The following RAB10 variants were observed in gnomAD, a reference collection of about 807,000 sequenced individuals.
RAB10 encodes the protein RAB10, member RAS oncogene family.
A neutral mutation model predicts 25.7 loss-of-function variants in RAB10; 5 were observed. That is an observed-to-expected ratio of 0.19 (90% confidence interval 0.10 to 0.41). The LOEUF (loss-of-function observed/expected upper bound fraction) is 0.41, where lower values mean the gene tolerates loss of function less well. Ranked by LOEUF, RAB10 falls within the 10% of genes least tolerant of loss-of-function variation. The pLI, the probability that RAB10 is intolerant of heterozygous loss-of-function variation, is 1.00. For missense variants in RAB10, 103 were observed against 245.8 expected (o/e 0.42, Z 3.89); for synonymous variants, 89 against 86.4 (o/e 1.03, Z -0.16).
intron 1 of RAB10, among the ~76,000 whole-genome samples, chr2:26,068,822 T>C (rs1159816212): frequency 2.6e-5 from 4 of 152,202 alleles, no homozygotes; most frequent in Non-Finnish European, 5.9e-5. Flanking sequence ...GCTAAGCAAA[T>C]TTAGTGATGA....
In RAB10 at chr2:26,079,324, A is replaced by ACACACACAC. The variant is rs1553726198; in HGVS notation, c.128-19338_128-19337insCACACACAC. On this transcript the variant is annotated intron_variant, in intron 1 of 5. Coordinates refer to ENST00000264710, the MANE Select transcript of RAB10 (RefSeq NM_016131.5). ...AGCAAGTTTGAAACACACACACACA[A>ACACACACAC]ACACACACACACACACACACACACA... Among the ~76,000 whole-genome samples the ACACACACAC allele has an allele frequency of 4.8e-3, 441 of 92,636 alleles. 3 individuals carry two copies. The highest frequency in any genetic ancestry group is 9.9e-3 in the African/African-American group (248 of 25,036). The allele number at this position is 92,636 out of a possible 152,430, so 60.8% of individuals were successfully genotyped here.
At chr2:26,101,028 A>G (rs925829491) in intron 2 of RAB10, among the ~76,000 whole-genome samples, 16 of 152,170 alleles carry the variant, frequency 1.1e-4, no homozygotes, top group Non-Finnish European at 2.1e-4. Flanking sequence ...AGATAGAATG[A>G]TCAGGGAGGT....
chr2:26,054,247 T>A (rs910457242), intron 1 of RAB10, among the ~76,000 whole-genome samples: 15 of 151,724 alleles, frequency 9.9e-5, no homozygotes, highest in African/African-American at 3.6e-4. Flanking sequence ...AGAGACAGGG[T>A]TTCACCATGT....
At chr2:26,048,525 A>G (rs1000568732) in intron 1 of RAB10, among the ~76,000 whole-genome samples, 4 of 152,260 alleles carry the variant, frequency 2.6e-5, no homozygotes, top group East Asian at 1.9e-4. Flanking sequence ...ATGTCTGTTC[A>G]TGTGGTTGCC....
intron 1 of RAB10, among the ~76,000 whole-genome samples, chr2:26,059,737 G>T (rs536972939): frequency 2.6e-5 from 4 of 152,158 alleles, no homozygotes; most frequent in Non-Finnish European, 4.4e-5. Flanking sequence ...CTGTCCATCG[G>T]TGGTTATCAG....
At chr2:26,123,769 T>C (rs988068196) in intron 3 of RAB10, among the ~76,000 whole-genome samples, 4 of 152,228 alleles carry the variant, frequency 2.6e-5, no homozygotes. Context: ...GACCATTGTG[T>C]GATACAGGCA....
At chr2:26,037,639 CAA>C (rs557970319) in intron 1 of RAB10, among the ~76,000 whole-genome samples, 19 of 132,996 alleles carry the variant, frequency 1.4e-4, no homozygotes, top group African/African-American at 2.5e-4. Context: ...AACTCTGTCT[CAA>C]AAAAAAAAAA....
intron 1 of RAB10, among the ~76,000 whole-genome samples, chr2:26,078,979 G>T (rs972517129): frequency 6.6e-6 from 1 of 152,172 alleles, no homozygotes; most frequent in Non-Finnish European, 1.5e-5. Flanking sequence ...CCTGAGGTCA[G>T]GAATTCAAGA....
intron 1 of RAB10, among the ~76,000 whole-genome samples, chr2:26,082,115 A>G (rs536752524): frequency 2.6e-5 from 4 of 152,324 alleles, no homozygotes; most frequent in African/African-American, 9.6e-5. Flanking sequence ...AATGTTTTAT[A>G]GGATTTATAG....
intron 3 of RAB10, 129 bp downstream of exon 3, chr2:26,110,035 A>G (rs1325301862): frequency 2.7e-6 from 3 of 1,115,070 alleles, no homozygotes; most frequent in East Asian, 3.2e-5. Context: ...AAGTATTTCT[A>G]TTTTCTAAAA....
At chr2:26,101,604 A>T (rs1468713593) in intron 2 of RAB10, 1 of 152,496 alleles carries the variant, frequency 6.6e-6, no homozygotes, top group Non-Finnish European at 1.5e-5. Flanking sequence ...AGGGACTGGG[A>T]TGAGGCCACC....
rs148769364 is a variant in RAB10 at position 26,115,808 on chromosome 2, T to C, written c.327+5902T>C. 4.4e-3 allele frequency among the ~76,000 whole-genome samples: 666 copies of C among 152,210 alleles called. 2 individuals carry two copies. Among genetic ancestry groups the C allele is most frequent in the African/African-American group, 0.014 (599 of 41,520 alleles). On this transcript the variant is annotated intron_variant, in intron 3 of 5. Coordinates refer to ENST00000264710, the MANE Select transcript of RAB10 (RefSeq NM_016131.5). Reference sequence around the variant, plus strand: ...TTAATACCTTTCCTTACAATTACAGTTGACCCTTGAACAATGTGGGTTTGA... The same window carrying C: ...TTAATACCTTTCCTTACAATTACAGCTGACCCTTGAACAATGTGGGTTTGA...
At chr2:26,058,358 T>C (rs934339765) in intron 1 of RAB10, among the ~76,000 whole-genome samples, 1 of 152,152 alleles carries the variant, frequency 6.6e-6, no homozygotes, top group African/African-American at 2.4e-5. Context: ...TTAGAGCCTT[T>C]AGTGGCTTTC....
chr2:26,033,309 G>C (rs1426069669), upstream of RAB10, among the ~76,000 whole-genome samples: 4 of 152,152 alleles, frequency 2.6e-5, no homozygotes, highest in Non-Finnish European at 5.9e-5. Context: ...AAGGCCTGAA[G>C]CAGGTTCTCT....
At chr2:26,043,282 C>T (rs1176436317) in intron 1 of RAB10, among the ~76,000 whole-genome samples, 1 of 152,106 alleles carries the variant, frequency 6.6e-6, no homozygotes, top group Non-Finnish European at 1.5e-5. Flanking sequence ...ATTAGCTGTA[C>T]ATGTTGGCGC....
At chr2:26,114,213 T>C (rs906712542) in intron 3 of RAB10, among the ~76,000 whole-genome samples, 2 of 151,620 alleles carry the variant, frequency 1.3e-5, no homozygotes, top group Admixed American at 6.6e-5. Context: ...TTTTAAAAAT[T>C]CCCCCCCGTA....
chr2:26,089,436 AAAG>A (rs1376444618), intron 1 of RAB10, among the ~76,000 whole-genome samples: 196 of 152,130 alleles, frequency 1.3e-3, no homozygotes, highest in Non-Finnish European at 2.3e-3. Context: ...AAAAAAAAAA[AAAG>A]AGAGAGTGAT....
chr2:26,041,543 CA>C (rs1230627488), intron 1 of RAB10, among the ~76,000 whole-genome samples: 164 of 44,622 alleles, frequency 3.7e-3, no homozygotes, highest in South Asian at 0.031. Context: ...GACGCTGACT[CA>C]AAAAAAAAAA....
intron 1 of RAB10, among the ~76,000 whole-genome samples, chr2:26,055,414 TACTC>T (rs1423517206): frequency 6.7e-5 from 10 of 150,230 alleles, no homozygotes; most frequent in African/African-American, 1.5e-4. Context: ...TTTTTGGAGA[TACTC>T]ACTCTTTCTC....
Sources: allele counts gnomAD v4.1 joint callset (sites outside exome capture counted in the v4.1 genomes callset), GRCh38; gene constraint gnomAD v4.1.1; transcripts MANE v1.5; gene names NCBI Gene and HGNC (gene_info 2026-07-23, HGNC 2026-07-21).